Variants in CSMD1 observed in about 807,000 individuals in gnomAD.
CSMD1 encodes CUB and Sushi multiple domains 1, also known as CUB and sushi domain-containing protein 1.
A neutral mutation model predicts 417.5 loss-of-function variants in CSMD1; 213 were observed. The observed-to-expected ratio is 0.51, with a 90% CI of 0.46 to 0.57. CSMD1 has a LOEUF of 0.57. Among genes scored for constraint, CSMD1 ranks in the 20% least tolerant of loss-of-function variants. CSMD1 has a pLI of 0.00. For missense variants in CSMD1, 6,923 were observed against 4,529.7 expected (o/e 1.53, Z -15.17); for synonymous variants, 2,862 against 1,736.8 (o/e 1.65, Z -16.11).
intron 12 of CSMD1, among the ~76,000 whole-genome samples, chr8:3,424,789 A>C (rs1813717099): frequency 6.6e-6 from 1 of 152,240 alleles, no homozygotes; most frequent in Non-Finnish European, 1.5e-5. Flanking sequence ...TTGACTTAAC[A>C]ATTGCCCAAG....
chr8:3,772,005 T>A (rs958453270), intron 5 of CSMD1, among the ~76,000 whole-genome samples: 3 of 151,590 alleles, frequency 2.0e-5, no homozygotes, highest in African/African-American at 7.3e-5. Flanking sequence ...TGAGAATCCA[T>A]ACCCTCCTTT....
chr8:3,816,312 T>G (rs1234302671), intron 5 of CSMD1, among the ~76,000 whole-genome samples: 2 of 152,196 alleles, frequency 1.3e-5, no homozygotes, highest in African/African-American at 4.8e-5. Context: ...TTTCCCTTGC[T>G]GTGTTTTCAG....
intron 1 of CSMD1, among the ~76,000 whole-genome samples, chr8:4,789,644 C>G (rs1797589700): frequency 6.6e-6 from 1 of 152,118 alleles, no homozygotes; most frequent in Non-Finnish European, 1.5e-5. Context: ...TTTTTGAATG[C>G]TGGCATACTA....
intron 11 of CSMD1, among the ~76,000 whole-genome samples, chr8:3,488,913 G>A (rs952541922): frequency 1.3e-5 from 2 of 151,722 alleles, no homozygotes; most frequent in African/African-American, 4.9e-5. Flanking sequence ...TTCTAATCAT[G>A]TTTTCTGATT....
chr8:3,882,766 T>C (rs1339551448), intron 5 of CSMD1, among the ~76,000 whole-genome samples: 1 of 152,098 alleles, frequency 6.6e-6, no homozygotes, highest in Non-Finnish European at 1.5e-5. Context: ...TGTGAAAGAA[T>C]CCAAAAGCAA....
intron 50 of CSMD1, among the ~76,000 whole-genome samples, chr8:3,047,213 C>CAAAAAAA (rs749861179): frequency 1.4e-5 from 1 of 73,094 alleles, no homozygotes; most frequent in African/African-American, 6.9e-5. Context: ...GACTCCCTCT[C>CAAAAAAA]AAAAAAAAAA....
At chr8:3,241,056 T>G (rs746653408) in intron 26 of CSMD1, among the ~76,000 whole-genome samples, 15 of 147,908 alleles carry the variant, frequency 1.0e-4, no homozygotes, top group Admixed American at 5.0e-4. Context: ...CTCATACTTG[T>G]GGGTTAAGGT....
At chr8:3,542,119 CTT>C (rs1313522864) in intron 10 of CSMD1, among the ~76,000 whole-genome samples, 1 of 152,172 alleles carries the variant, frequency 6.6e-6, no homozygotes, top group Non-Finnish European at 1.5e-5. Flanking sequence ...AACAGAGACT[CTT>C]TTATTTCCTA....
intron 2 of CSMD1, among the ~76,000 whole-genome samples, chr8:4,519,347 G>A (rs940598439): frequency 1.3e-5 from 2 of 151,714 alleles, no homozygotes; most frequent in African/African-American, 4.8e-5. Context: ...TGATAAAAAT[G>A]ATAAAAAAGA....
At position 3,029,491 on chromosome 8, in the gene CSMD1, T is replaced by C; in HGVS notation, c.7683A>G (p.Glu2561=). 6.2e-7 allele frequency: 1 copy of C among 1,601,888 alleles called. No individual in the cohort carries two copies. The highest frequency in any genetic ancestry group is 8.5e-7 in the Non-Finnish European group (1 of 1,174,142). The change falls in exon 51 of 70, where the codon GAA becomes GAG. Residue 2561 remains glutamate (E), a synonymous_variant. Coordinates refer to ENST00000635120, the MANE Select transcript of CSMD1 (RefSeq NM_033225.6). ...AGATGACATGTTCTGAGAGCTGAGC[T>C]TCAATGCTGGGGCAAGCGACCGCTG... is the stretch of plus-strand genomic sequence containing the variant. ...TCKPVACPSI[E]AQLSEHVIWR...
At position 4,680,154 on chromosome 8, in the gene CSMD1, T is replaced by A. The variant is rs145236606; in HGVS notation, c.86-42596A>T. ...GGACAACTATGAATATACACAGCAGTGTATGTAGAATCAGACCTGTTCTTA... is the reference window on the plus strand; with the variant it reads ...GGACAACTATGAATATACACAGCAGAGTATGTAGAATCAGACCTGTTCTTA... On this transcript the variant is annotated intron_variant, in intron 1 of 69. Transcript: ENST00000635120. Among the ~76,000 whole-genome samples the A allele has an allele frequency of 3.9e-3, 588 of 152,298 alleles. 7 individuals carry two copies. Among genetic ancestry groups the A allele is most frequent in the African/African-American group, 0.014 (574 of 41,566 alleles).
chr8:4,103,958 C>T (rs931843495), intron 3 of CSMD1, among the ~76,000 whole-genome samples: 1 of 152,232 alleles, frequency 6.6e-6, no homozygotes, highest in African/African-American at 2.4e-5. Context: ...AAACCCTGTG[C>T]TGCAGACGCG....
chr8:3,220,741 G>C (rs765451354), intron 28 of CSMD1, among the ~76,000 whole-genome samples: 6 of 152,140 alleles, frequency 3.9e-5, no homozygotes, highest in Non-Finnish European at 8.8e-5. Context: ...TGAGGCAGAA[G>C]AATCGCTTGA....
chr8:3,437,077 G>A (rs758589943), intron 12 of CSMD1, among the ~76,000 whole-genome samples: 41 of 152,116 alleles, frequency 2.7e-4, no homozygotes, highest in African/African-American at 7.2e-4. Flanking sequence ...CTCATGCATC[G>A]AAAAACTTCA....
rs557739209 is a variant in CSMD1 at position 4,021,345 on chromosome 8, T to C, written c.610+10560A>G. Among the ~76,000 whole-genome samples, 20 of 152,372 alleles carry C rather than the reference T, an allele frequency of 1.3e-4. 1 individual carries two copies. Among genetic ancestry groups the C allele is most frequent in the African/African-American group, 4.3e-4 (18 of 41,598 alleles). Reference sequence around the variant, plus strand: ...ATTAAAGTTTATTTCACTTGTTTCATGTCACATTTTCCGTGTCGCATCTGG... The same window carrying C: ...ATTAAAGTTTATTTCACTTGTTTCACGTCACATTTTCCGTGTCGCATCTGG... On this transcript the variant is annotated intron_variant, in intron 4 of 69. Coordinates refer to ENST00000635120, the MANE Select transcript of CSMD1 (RefSeq NM_033225.6).
intron 1 of CSMD1, among the ~76,000 whole-genome samples, chr8:4,990,049 T>C (rs1246785910): frequency 1.3e-5 from 2 of 152,214 alleles, no homozygotes; most frequent in African/African-American, 4.8e-5. Context: ...ATTCTCTCTC[T>C]TCCCGAGGCC....
chr8:4,500,824 G>A (rs555712828), intron 2 of CSMD1, among the ~76,000 whole-genome samples: 19 of 152,296 alleles, frequency 1.2e-4, no homozygotes, highest in African/African-American at 4.6e-4. Context: ...AACATGGGTA[G>A]AGGTCCATTG....
At chr8:3,947,424 A>G (rs947214874) in intron 5 of CSMD1, among the ~76,000 whole-genome samples, 1 of 152,134 alleles carries the variant, frequency 6.6e-6, no homozygotes, top group African/African-American at 2.4e-5. Context: ...ACTGGATCTT[A>G]TTTCACAACA....
intron 23 of CSMD1, among the ~76,000 whole-genome samples, chr8:3,311,225 G>C (rs1421198951): frequency 3.3e-5 from 5 of 152,064 alleles, no homozygotes; most frequent in Non-Finnish European, 5.9e-5. Context: ...TTGTTGACAT[G>C]AGATAGTCCT....
Sources: gnomAD v4.1 joint callset for allele counts (sites outside exome capture counted in the v4.1 genomes callset) on GRCh38, gnomAD v4.1.1 for gene constraint, MANE v1.5 for transcripts, NCBI Gene and HGNC (gene_info 2026-07-23, HGNC 2026-07-21) for gene names.